The following RBBP8 variants were observed in gnomAD, a reference collection of about 807,000 sequenced individuals.
RBBP8 encodes RB binding protein 8, endonuclease, also known as DNA endonuclease RBBP8.
Under a neutral mutation model 108.3 loss-of-function variants are expected in RBBP8, and 88 were observed. The observed-to-expected ratio is 0.81, with a 90% CI of 0.68 to 0.97. RBBP8 has a LOEUF of 0.97. RBBP8 is among the 50% of genes least tolerant of loss of function. The probability of loss-of-function intolerance (pLI) is 0.00; values close to 1 mark genes in which losing one functional copy is unlikely to be tolerated. For synonymous variants in RBBP8, 332 were observed against 348.2 expected (o/e 0.95, Z 0.52); for missense variants, 1,023 against 1,049.0 (o/e 0.98, Z 0.34).
At chr18:22,948,647 CTA>C (rs1385862947) in intron 3 of RBBP8, among the ~76,000 whole-genome samples, 1 of 152,136 alleles carries the variant, frequency 6.6e-6, no homozygotes, top group Non-Finnish European at 1.5e-5. Flanking sequence ...GCCAGTGACA[CTA>C]TATTCTAGCC....
chr18:23,015,167 G>C (rs1375675534), intron 16 of RBBP8, among the ~76,000 whole-genome samples: 1 of 152,042 alleles, frequency 6.6e-6, no homozygotes, highest in African/African-American at 2.4e-5. Context: ...CTAAGTGCTG[G>C]GATTATAGGC....
intron 4 of RBBP8, among the ~76,000 whole-genome samples, chr18:22,955,531 A>G (rs1344097484): frequency 7.2e-5 from 11 of 152,164 alleles, no homozygotes; most frequent in Non-Finnish European, 1.5e-5. Flanking sequence ...GCAAAGAGCA[A>G]AGAAGCTTTC....
At chr18:22,968,780 G>T in intron 4 of RBBP8, 26 bp from the exon 5 acceptor site, 1 of 1,584,292 alleles carries the variant, frequency 6.3e-7, no homozygotes, top group South Asian at 1.1e-5. Flanking sequence ...TTTAGTGGAT[G>T]AAAAATACCT....
At chr18:22,943,474 C>A (rs1911274909) in intron 2 of RBBP8, among the ~76,000 whole-genome samples, 1 of 151,842 alleles carries the variant, frequency 6.6e-6, no homozygotes, top group Non-Finnish European at 1.5e-5. Context: ...CAGTAACTCT[C>A]ACACCTTTTA....
chr18:22,927,545 G>A (rs1909835984), intron 3 of RBBP8, among the ~76,000 whole-genome samples: 1 of 152,110 alleles, frequency 6.6e-6, no homozygotes, highest in Admixed American at 6.5e-5. Flanking sequence ...AACTTATAAT[G>A]TGGCTAGTCT....
At chr18:22,947,427 C>A (rs989408093) in intron 3 of RBBP8, among the ~76,000 whole-genome samples, 1 of 151,410 alleles carries the variant, frequency 6.6e-6, no homozygotes, top group Admixed American at 6.6e-5. Flanking sequence ...GTTGAATGTG[C>A]TGCATAGGTA....
intron 16 of RBBP8, among the ~76,000 whole-genome samples, chr18:23,013,108 A>T (rs1413358875): frequency 1.3e-5 from 2 of 152,172 alleles, no homozygotes; most frequent in Non-Finnish European, 2.9e-5. Context: ...TATTGTAATC[A>T]TCCAACAGTT....
At chr18:23,008,187 C>T (rs1468744057) in intron 16 of RBBP8, among the ~76,000 whole-genome samples, 3 of 152,090 alleles carry the variant, frequency 2.0e-5, no homozygotes, top group Non-Finnish European at 4.4e-5. Flanking sequence ...TTATAGTCAC[C>T]TACTATTTGT....
At chr18:22,915,025 T>TA (rs760694767) in intron 1 of RBBP8, among the ~76,000 whole-genome samples, 1 of 152,166 alleles carries the variant, frequency 6.6e-6, no homozygotes, top group Non-Finnish European at 1.5e-5. Flanking sequence ...TTGTATCATG[T>TA]AAAATGAAAG....
At chr18:23,010,824 T>C (rs912781575) in intron 16 of RBBP8, among the ~76,000 whole-genome samples, 1 of 152,126 alleles carries the variant, frequency 6.6e-6, no homozygotes, top group African/African-American at 2.4e-5. Context: ...GAAGATGGAT[T>C]GTGTAGTATC....
At chr18:22,969,038 G>A in intron 5 of RBBP8, 120 bp downstream of exon 5, 2 of 750,912 alleles carry the variant, frequency 2.7e-6, no homozygotes, top group Non-Finnish European at 2.2e-6. Flanking sequence ...TTTAGTAAAA[G>A]TTCAAATGTC....
intron 3 of RBBP8, among the ~76,000 whole-genome samples, chr18:22,924,823 G>A (rs1598621564): frequency 6.6e-6 from 1 of 152,170 alleles, no homozygotes; most frequent in Non-Finnish European, 1.5e-5. Context: ...AACCAGGACT[G>A]TCACTGGTAA....
intron 2 of RBBP8, among the ~76,000 whole-genome samples, chr18:22,915,764 G>T (rs1909332253): frequency 6.6e-6 from 1 of 151,800 alleles, no homozygotes; most frequent in Non-Finnish European, 1.5e-5. Context: ...AAAACATAGG[G>T]CTTACTGTTT....
At chr18:22,957,739 G>A (rs934025668) in intron 4 of RBBP8, among the ~76,000 whole-genome samples, 1 of 152,040 alleles carries the variant, frequency 6.6e-6, no homozygotes, top group Admixed American at 6.6e-5. Context: ...ACATTTTCTT[G>A]CTTCTATTTA....
At chr18:22,955,560 T>C (rs1912448242) in intron 4 of RBBP8, among the ~76,000 whole-genome samples, 1 of 151,394 alleles carries the variant, frequency 6.6e-6, no homozygotes, top group Non-Finnish European at 1.5e-5. Flanking sequence ...ACATAGTTAA[T>C]ACATAATTAG....
chr18:22,931,262 C>A (rs1288090250), upstream of RBBP8, among the ~76,000 whole-genome samples: 1 of 151,936 alleles, frequency 6.6e-6, no homozygotes, highest in East Asian at 1.9e-4. Context: ...CAGGCAGAGA[C>A]AATAGCACGC....
chr18:22,919,166 A>C (rs1468040057), intron 3 of RBBP8, among the ~76,000 whole-genome samples: 1 of 152,222 alleles, frequency 6.6e-6, no homozygotes. Context: ...CAAAGATCAC[A>C]AAGGAGGAGC....
intron 4 of RBBP8, among the ~76,000 whole-genome samples, chr18:22,964,661 G>C (rs1913417729): frequency 7.0e-6 from 1 of 142,728 alleles, no homozygotes; most frequent in Non-Finnish European, 1.6e-5. Flanking sequence ...TTTTATTTTG[G>C]TTTTTGTTTA....
At chr18:22,914,156 T>C (rs1909266068) in exon 1 of RBBP8, 1 of 152,208 alleles carries the variant, frequency 6.6e-6, no homozygotes, top group Non-Finnish European at 1.5e-5. Context: ...GCAGAACTCT[T>C]CCACATAGCA....
Sources: gnomAD v4.1 joint callset for allele counts (sites outside exome capture counted in the v4.1 genomes callset) on GRCh38, gnomAD v4.1.1 for gene constraint, MANE v1.5 for transcripts, NCBI Gene and HGNC (gene_info 2026-07-23, HGNC 2026-07-21) for gene names.